The following SMIM31 variants were observed in gnomAD, a reference collection of about 807,000 sequenced individuals.
SMIM31 encodes small integral membrane protein 31.
chr4:164,790,829 C>G (rs1733090161), intron 2 of SMIM31, among the ~76,000 whole-genome samples: 1 of 152,004 alleles, frequency 6.6e-6, no homozygotes. Context: ...CAGAGGTTAT[C>G]TTAAGAAATC....
At chr4:164,764,499 G>A (rs1047630603) in intron 1 of SMIM31, among the ~76,000 whole-genome samples, 6 of 151,852 alleles carry the variant, frequency 4.0e-5, no homozygotes, top group South Asian at 2.1e-4. Flanking sequence ...CCTGGGAGGC[G>A]GAGGTTGCAG....
At chr4:164,772,575 T>TTTTTATTTTA (rs199729747) in intron 2 of SMIM31, among the ~76,000 whole-genome samples, 1 of 74,896 alleles carries the variant, frequency 1.3e-5, no homozygotes, top group Non-Finnish European at 3.2e-5. Flanking sequence ...ATTTTTTTTA[T>TTTTTATTTTA]TTTTATTTTA....
intron 2 of SMIM31, among the ~76,000 whole-genome samples, chr4:164,795,253 G>T (rs1329389138): frequency 6.6e-6 from 1 of 152,110 alleles, no homozygotes; most frequent in Non-Finnish European, 1.5e-5. Context: ...ATAACAAAGG[G>T]TTAATAAGAG....
At chr4:164,772,925 CAG>C (rs1351085805) in intron 2 of SMIM31, among the ~76,000 whole-genome samples, 49 of 149,282 alleles carry the variant, frequency 3.3e-4, no homozygotes, top group African/African-American at 1.2e-3. Flanking sequence ...GCTAATACGA[CAG>C]AGAGCCAGAA....
At chr4:164,788,420 A>C (rs1733054208) in intron 2 of SMIM31, among the ~76,000 whole-genome samples, 1 of 151,038 alleles carries the variant, frequency 6.6e-6, no homozygotes, top group Non-Finnish European at 1.5e-5. Context: ...AAATATTTCA[A>C]ATAAACTAAC....
At chr4:164,777,277 G>T (rs1159094665) in intron 2 of SMIM31, among the ~76,000 whole-genome samples, 23 of 152,178 alleles carry the variant, frequency 1.5e-4, no homozygotes, top group Admixed American at 1.5e-3. Context: ...ATTATATTCT[G>T]CATGCCAAAG....
rs915534117 is a variant in SMIM31, at chr4:164,803,062, T to C, written c.*1868T>C. 3.9e-5 allele frequency: 6 copies of C among 152,234 alleles called. No individual in the cohort carries two copies. The highest frequency in any genetic ancestry group is 1.4e-4 in the African/African-American group (6 of 41,462). 9.4% of individuals were successfully genotyped at this position (152,234 alleles called of 1,614,324 possible). A position where few individuals can be genotyped will look rare whatever the true frequency, so the allele number is the denominator to read the frequency against. On this transcript the variant is annotated 3_prime_UTR_variant, in exon 3 of 3. Coordinates refer to ENST00000507311, the MANE Select transcript of SMIM31 (RefSeq NM_001352885.1). ...AGATAGTATAAGTAAAATGTGTAAC[T>C]CAGTGCCTAGGATCGTTGCTGAATA...
chr4:164,800,330 C>A (rs1733266299), intron 2 of SMIM31, among the ~76,000 whole-genome samples: 1 of 151,964 alleles, frequency 6.6e-6, no homozygotes, highest in Admixed American at 6.6e-5. Context: ...CTGCCTCAGC[C>A]CCCTGAGTAG....
chr4:164,773,894 C>A (rs914798996), intron 2 of SMIM31, among the ~76,000 whole-genome samples: 1 of 152,116 alleles, frequency 6.6e-6, no homozygotes, highest in Non-Finnish European at 1.5e-5. Flanking sequence ...TGGCTGGGTG[C>A]GGTGGCTCAC....
At chr4:164,799,444 A>G (rs547157884) in intron 2 of SMIM31, among the ~76,000 whole-genome samples, 2 of 151,614 alleles carry the variant, frequency 1.3e-5, no homozygotes, top group African/African-American at 4.8e-5. Context: ...AGTCTGAGGG[A>G]TTTTTTTTTA....
intron 1 of SMIM31, among the ~76,000 whole-genome samples, chr4:164,764,335 G>A (rs528522679): frequency 7.4e-4 from 112 of 152,068 alleles, no homozygotes; most frequent in African/African-American, 2.7e-3. Flanking sequence ...TTGGGAGGCC[G>A]AGGCGGGCAG....
intron 2 of SMIM31, among the ~76,000 whole-genome samples, chr4:164,775,823 T>C (rs944871784): frequency 6.6e-6 from 1 of 152,218 alleles, no homozygotes; most frequent in Non-Finnish European, 1.5e-5. Context: ...CTTTTTCCAG[T>C]AAAACCCTTT....
At chr4:164,758,240 A>C (rs1180207637) in intron 1 of SMIM31, among the ~76,000 whole-genome samples, 1 of 152,176 alleles carries the variant, frequency 6.6e-6, no homozygotes, top group East Asian at 1.9e-4. Flanking sequence ...GTATCCTAAG[A>C]TGTTACTAAA....
intron 2 of SMIM31, among the ~76,000 whole-genome samples, chr4:164,779,631 A>C (rs1249637909): frequency 6.6e-6 from 1 of 152,216 alleles, no homozygotes; most frequent in Non-Finnish European, 1.5e-5. Context: ...ACATGGCCAT[A>C]AGTGAGACTG....
intron 2 of SMIM31, among the ~76,000 whole-genome samples, chr4:164,791,407 A>T (rs992931913): frequency 6.6e-6 from 1 of 152,150 alleles, no homozygotes; most frequent in Non-Finnish European, 1.5e-5. Context: ...ATCTCAGCTT[A>T]CTGCAACTTC....
intron 1 of SMIM31, among the ~76,000 whole-genome samples, chr4:164,755,843 C>T (rs1431545137): frequency 2.0e-5 from 3 of 152,006 alleles, no homozygotes; most frequent in Non-Finnish European, 2.9e-5. Context: ...GTTCCCAACA[C>T]GTTGTTATGA....
intron 2 of SMIM31, among the ~76,000 whole-genome samples, chr4:164,772,949 G>A (rs1450706262): frequency 7.0e-6 from 1 of 143,496 alleles, no homozygotes; most frequent in African/African-American, 2.6e-5. Context: ...TTAATCTCCA[G>A]CTTATAGGAC....
In SMIM31 at chr4:164,770,703, T is replaced by C. The variant is rs74961823; in HGVS notation, c.112+148T>C. The C allele has an allele frequency of 5.6e-3, 2,213 of 394,048 alleles. 54 individuals are homozygous for C. Among genetic ancestry groups the C allele is most frequent in the African/African-American group, 0.038 (1,848 of 48,646 alleles). The allele number at this position is 394,048 out of a possible 1,614,324, so 24.4% of individuals were successfully genotyped here. A position where few individuals can be genotyped will look rare whatever the true frequency, so the allele number is the denominator to read the frequency against. On this transcript the variant is annotated intron_variant, in intron 2 of 2. Coordinates refer to ENST00000507311, the MANE Select transcript of SMIM31 (RefSeq NM_001352885.1). ...TTGTTTTGTGGCATGTGTGTGTGTA[T>C]GTGTGTTCATTCAACTATATATAGA...
intron 1 of SMIM31, among the ~76,000 whole-genome samples, chr4:164,768,081 A>G (rs1193982987): frequency 6.6e-6 from 1 of 151,914 alleles, no homozygotes; most frequent in Non-Finnish European, 1.5e-5. Context: ...AAAAAAATCA[A>G]AAAATTCGCT....
Sources: gnomAD v4.1 joint callset for allele counts (sites outside exome capture counted in the v4.1 genomes callset) on GRCh38, gnomAD v4.1.1 for gene constraint, MANE v1.5 for transcripts, NCBI Gene and HGNC (gene_info 2026-07-23, HGNC 2026-07-21) for gene names.